The following MTUS2 variants were observed in gnomAD, a reference collection of about 807,000 sequenced individuals.
MTUS2 encodes the protein microtubule associated scaffold protein 2.
In MTUS2, 40 loss-of-function variants were observed where a neutral mutation model predicts 114.1. That is an observed-to-expected ratio of 0.35 (90% CI 0.27 to 0.46). The LOEUF is 0.46. MTUS2 is among the 20% of genes least tolerant of loss of function. The pLI is 1.00. For synonymous variants in MTUS2, 688 were observed against 672.0 expected, an observed-to-expected ratio of 1.02 and a Z score of -0.37; for missense variants, 1,679 against 1,705.4, an observed-to-expected ratio of 0.98 and a Z score of 0.27.
intron 5 of MTUS2, among the ~76,000 whole-genome samples, chr13:29,117,855 G>A (rs11842592): frequency 0.03 from 4,562 of 152,252 alleles, 232 homozygotes; most frequent in African/African-American, 0.1. Context: ...CTGTAAGGTT[G>A]GCGCCAACAC....
chr13:28,881,762 C>G (rs567927644), intron 2 of MTUS2, among the ~76,000 whole-genome samples: 19 of 152,196 alleles, frequency 1.2e-4, no homozygotes, highest in Non-Finnish European at 1.9e-4. Context: ...TTGTTTACCA[C>G]TTGTATATCT....
chr13:29,160,725 G>C (rs1325870640), intron 5 of MTUS2, among the ~76,000 whole-genome samples: 1 of 151,780 alleles, frequency 6.6e-6, no homozygotes, highest in Non-Finnish European at 1.5e-5. Context: ...AGCTGAGACT[G>C]GGCCACTGTA....
At chr13:29,341,093 T>C (rs1413011572) in intron 7 of MTUS2, among the ~76,000 whole-genome samples, 1 of 152,142 alleles carries the variant, frequency 6.6e-6, no homozygotes, top group African/African-American at 2.4e-5. Flanking sequence ...CAATTGTGAA[T>C]TCTGCTGCTC....
At chr13:29,478,359 T>G (rs1880864681) in intron 9 of MTUS2, among the ~76,000 whole-genome samples, 2 of 152,140 alleles carry the variant, frequency 1.3e-5, no homozygotes, top group Non-Finnish European at 2.9e-5. Flanking sequence ...GGAATGTACA[T>G]GGGGAGATAT....
chr13:28,898,199 G>T (rs1402565397), intron 2 of MTUS2, among the ~76,000 whole-genome samples: 1 of 152,136 alleles, frequency 6.6e-6, no homozygotes, highest in Admixed American at 6.6e-5. Context: ...GGTATTTGTA[G>T]TCCATGACAG....
rs144118917 is a variant in MTUS2 at position 29,480,170 on chromosome 13, G to C, written c.3205G>C (p.Glu1069Gln). 1 of 1,554,754 alleles carries C rather than the reference G, an allele frequency of 6.4e-7. No individual in the cohort carries two copies. Among genetic ancestry groups the C allele is most frequent in the South Asian group, 1.2e-5 (1 of 84,114 alleles). The change falls in exon 10 of 16, where the codon GAG becomes CAG. Residue 1069 changes from glutamate to glutamine, a missense_variant. This residue lies in a region of MTUS2 where 822 missense variants were observed against 899.7 expected (regional missense o/e 0.91). Coordinates refer to ENST00000612955, the MANE Select transcript of MTUS2 (RefSeq NM_001033602.4). This position sits in a 1 kb window ranked among gnomAD's most constrained non-coding sequence, Gnocchi z 4.4. ...DEVAFHTAKCEKLQKEKEELE... is the reference protein window; with the variant it reads ...DEVAFHTAKCQKLQKEKEELE... ...CCCAGCCTTCCATACAGCAAAGTGC[G>C]AGAAACTACAAAAGGAGAAGGAGGA...
chr13:29,271,075 C>G (rs1033631737), intron 5 of MTUS2, among the ~76,000 whole-genome samples: 1 of 152,120 alleles, frequency 6.6e-6, no homozygotes, highest in African/African-American at 2.4e-5. Flanking sequence ...TCTTCTGGGG[C>G]CTGTAACCTT....
At chr13:29,417,445 TC>T (rs1371741382) in intron 8 of MTUS2, among the ~76,000 whole-genome samples, 2 of 152,204 alleles carry the variant, frequency 1.3e-5, no homozygotes, top group African/African-American at 4.8e-5. Context: ...TATTAATCCT[TC>T]TTTATCTGTT....
intron 8 of MTUS2, among the ~76,000 whole-genome samples, chr13:29,373,939 T>G (rs1240926436): frequency 1.3e-5 from 2 of 152,202 alleles, no homozygotes; most frequent in Non-Finnish European, 2.9e-5. Context: ...CAAAAAATGT[T>G]AAAAGTAGCT....
At chr13:29,417,663 T>G (rs1875766140) in intron 8 of MTUS2, among the ~76,000 whole-genome samples, 1 of 152,190 alleles carries the variant, frequency 6.6e-6, no homozygotes, top group Non-Finnish European at 1.5e-5. Flanking sequence ...AATCAACTCT[T>G]TATTATATTT....
chr13:28,952,676 CTT>C (rs1318397060), intron 2 of MTUS2, among the ~76,000 whole-genome samples: 3 of 152,150 alleles, frequency 2.0e-5, no homozygotes, highest in Admixed American at 1.3e-4. Flanking sequence ...TATTTATTAA[CTT>C]TTATTAAATG....
chr13:28,995,810 G>A (rs559928802), intron 2 of MTUS2, among the ~76,000 whole-genome samples: 6 of 152,268 alleles, frequency 3.9e-5, no homozygotes, highest in South Asian at 4.2e-4. Flanking sequence ...AGAAAATGGC[G>A]TTTTCTAGGT....
intron 6 of MTUS2, among the ~76,000 whole-genome samples, chr13:29,313,045 A>G (rs982827890): frequency 1.3e-5 from 2 of 152,348 alleles, no homozygotes; most frequent in South Asian, 2.1e-4. Context: ...TGAGTGGGCA[A>G]TGCTTGTGAA....
At chr13:28,909,742 C>T (rs1880284305) in intron 2 of MTUS2, among the ~76,000 whole-genome samples, 1 of 152,086 alleles carries the variant, frequency 6.6e-6, no homozygotes, top group African/African-American at 2.4e-5. Flanking sequence ...TCAAATTGTC[C>T]CTGTTTGCAG....
At chr13:29,108,934 A>C (rs1163162355) in intron 5 of MTUS2, among the ~76,000 whole-genome samples, 3 of 152,178 alleles carry the variant, frequency 2.0e-5, no homozygotes, top group African/African-American at 7.2e-5. Context: ...GAGGTGGGAG[A>C]AGATAGGTGA....
chr13:29,476,313 A>G (rs559966813), intron 9 of MTUS2, among the ~76,000 whole-genome samples: 2 of 152,248 alleles, frequency 1.3e-5, no homozygotes, highest in East Asian at 3.9e-4. Flanking sequence ...GGATATCCAT[A>G]TATGTATATA....
At chr13:29,415,975 G>A (rs1174261270) in intron 8 of MTUS2, among the ~76,000 whole-genome samples, 2 of 152,018 alleles carry the variant, frequency 1.3e-5, no homozygotes, top group Admixed American at 1.3e-4. Flanking sequence ...CCAGGCTGGA[G>A]TGACACGATC....
At position 29,504,828 on chromosome 13, in the gene MTUS2, A is replaced by G. The variant is rs959236324; in HGVS notation, c.*1622A>G. The G allele has an allele frequency of 1.8e-4, 42 of 232,900 alleles. No homozygotes were observed. The highest frequency in any genetic ancestry group is 1.6e-3 in the Admixed American group (28 of 17,770). The allele number at this position is 232,900 out of a possible 1,614,324, so 14.4% of individuals were successfully genotyped here. A position where few individuals can be genotyped will look rare whatever the true frequency, so the allele number is the denominator to read the frequency against. On this transcript the variant is annotated 3_prime_UTR_variant, in exon 16 of 16. Coordinates refer to ENST00000612955, the MANE Select transcript of MTUS2 (RefSeq NM_001033602.4). ...TTTGAGCGTGCCCAAGGCGAGAAGA[A>G]CCATGAGGGGGTCCTGCAGGGGCCG...
At chr13:29,379,942 T>G (rs987554049) in intron 8 of MTUS2, among the ~76,000 whole-genome samples, 5 of 152,162 alleles carry the variant, frequency 3.3e-5, no homozygotes, top group African/African-American at 1.2e-4. Context: ...TAGAAAAATG[T>G]AACTGAAAAT....
Sources: gnomAD v4.1 joint callset for allele counts (sites outside exome capture counted in the v4.1 genomes callset) on GRCh38, gnomAD v4.1.1 for gene constraint, gnomAD v4.1.1 regional missense constraint, Gnocchi (gnomAD v3.1) non-coding constraint, MANE v1.5 for transcripts, NCBI Gene and HGNC (gene_info 2026-07-23, HGNC 2026-07-21) for gene names.